DCAF7: variants seen among roughly 807,000 people sequenced by gnomAD.
DCAF7 encodes DDB1- and CUL4-associated factor 7.
DCAF7 carries 4 observed loss-of-function variants against 41.2 expected under a neutral mutation model. The observed-to-expected ratio is 0.10, with a 90% confidence interval of 0.05 to 0.22. The LOEUF (loss-of-function observed/expected upper bound fraction) is 0.22, where lower values mean the gene tolerates loss of function less well. DCAF7 is among the 10% of genes least tolerant of loss of function. DCAF7 has a pLI of 1.00. For missense variants in DCAF7, 131 were observed against 443.2 expected, an observed-to-expected ratio of 0.30 and a Z score of 6.32; for synonymous variants, 143 against 164.2, an observed-to-expected ratio of 0.87 and a Z score of 0.99.
chr17:63,567,686 G>A (rs1343341678), intron 1 of DCAF7, among the ~76,000 whole-genome samples: 1 of 152,064 alleles, frequency 6.6e-6, no homozygotes, highest in Non-Finnish European at 1.5e-5. Context: ...CTAAGACAAG[G>A]TCTCACTTTG....
At chr17:63,570,431 G>T (rs747056688) in intron 1 of DCAF7, among the ~76,000 whole-genome samples, 1 of 151,842 alleles carries the variant, frequency 6.6e-6, no homozygotes, top group African/African-American at 2.4e-5. Flanking sequence ...TCCAGCCTGG[G>T]CAACAGTGAG....
chr17:63,559,321 G>GTA (rs1428440006), intron 1 of DCAF7, among the ~76,000 whole-genome samples: 12 of 77,502 alleles, frequency 1.5e-4, no homozygotes, highest in East Asian at 5.3e-4. Context: ...ATATATATAT[G>GTA]TATATATATA....
intron 6 of DCAF7, among the ~76,000 whole-genome samples, chr17:63,586,587 A>C (rs1289846036): frequency 6.6e-6 from 1 of 151,984 alleles, no homozygotes. Context: ...AACATGGTGA[A>C]ACCCTGTCTC....
At chr17:63,562,038 A>T (rs2033388178) in intron 1 of DCAF7, among the ~76,000 whole-genome samples, 1 of 151,056 alleles carries the variant, frequency 6.6e-6, no homozygotes, top group Non-Finnish European at 1.5e-5. Context: ...ACTTAGGGGG[A>T]AAAAGAACAT....
chr17:63,578,554 A>T lies in DCAF7; in HGVS notation c.223A>T (p.Met75Leu). Residue 75 changes from methionine to leucine, a missense_variant, in exon 2 of 7, where the codon ATG becomes TTG. Coordinates refer to ENST00000614556, the MANE Select transcript of DCAF7 (RefSeq NM_005828.5). Reference sequence around the variant, plus strand: ...CCACCCATACCCCACCACAAAGCTCATGTGGATCCCTGACACAAAAGGCGT... The same window carrying T: ...CCACCCATACCCCACCACAAAGCTCTTGTGGATCCCTGACACAAAAGGCGT... Reference protein sequence around the residue: ...FDHPYPTTKLMWIPDTKGVYP... With the variant: ...FDHPYPTTKLLWIPDTKGVYP... The T allele has an allele frequency of 6.2e-7, 1 of 1,613,418 alleles. No homozygotes were observed. Among genetic ancestry groups the T allele is most frequent in the Non-Finnish European group, 8.5e-7 (1 of 1,179,324 alleles).
intron 1 of DCAF7, among the ~76,000 whole-genome samples, chr17:63,565,515 A>G (rs7211055): frequency 0.32 from 47,844 of 151,858 alleles, 9,230 homozygotes; most frequent in African/African-American, 0.55. Flanking sequence ...GTGGTGAGCC[A>G]AGATCGCACC....
intron 4 of DCAF7, among the ~76,000 whole-genome samples, chr17:63,580,877 C>G (rs2033615769): frequency 6.6e-6 from 1 of 152,110 alleles, no homozygotes; most frequent in Non-Finnish European, 1.5e-5. Context: ...CCCCATAAGT[C>G]TTTTCCTCCT....
chr17:63,559,459 T>TA (rs2033356921), intron 1 of DCAF7, among the ~76,000 whole-genome samples: 4 of 131,162 alleles, frequency 3.0e-5, no homozygotes, highest in East Asian at 4.3e-4. Context: ...ATATATATAT[T>TA]TTTAATAATT....
chr17:63,589,394 T>A lies in DCAF7; in HGVS notation c.*222T>A. On this transcript the variant is annotated 3_prime_UTR_variant, in exon 7 of 7. Transcript: ENST00000614556. ...GCCTCCTCAGCCCAGGGCTGAGTTT[T>A]AAGATTTTCTCTCCTTTCCTCTTCT... The A allele has an allele frequency of 1.6e-6, 1 of 626,924 alleles. No individual in the cohort carries two copies. Among genetic ancestry groups the A allele is most frequent in the Non-Finnish European group, 2.9e-6 (1 of 348,362 alleles). The allele number at this position is 626,924 out of a possible 1,614,324, so 38.8% of individuals were successfully genotyped here. A position where few individuals can be genotyped will look rare whatever the true frequency, so the allele number is the denominator to read the frequency against.
At chr17:63,559,439 G>GTA (rs10643199) in intron 1 of DCAF7, among the ~76,000 whole-genome samples, 35,818 of 121,854 alleles carry the variant, frequency 0.29, 5,471 homozygotes, top group Middle Eastern at 0.42. Context: ...ATATGTGTGT[G>GTA]TATATATATA....
At chr17:63,580,503 A>G (rs936268339) in intron 4 of DCAF7, among the ~76,000 whole-genome samples, 2 of 65,792 alleles carry the variant, frequency 3.0e-5, no homozygotes, top group Non-Finnish European at 6.0e-5. Context: ...GCTATTTGTG[A>G]TTGCTTTTTT....
At chr17:63,583,370 CTGTT>C (rs1325215281) in intron 4 of DCAF7, 128 bp from the exon 5 acceptor site, 12 of 790,242 alleles carry the variant, frequency 1.5e-5, no homozygotes, top group African/African-American at 6.8e-5. Flanking sequence ...CTCACAGACA[CTGTT>C]TGGGCTTCAT....
chr17:63,559,937 A>G (rs904585838), intron 1 of DCAF7, among the ~76,000 whole-genome samples: 1 of 152,228 alleles, frequency 6.6e-6, no homozygotes, highest in Non-Finnish European at 1.5e-5. Flanking sequence ...AATCTCTGTA[A>G]CAAAACCAAA....
intron 1 of DCAF7, among the ~76,000 whole-genome samples, chr17:63,551,970 C>T (rs960714230): frequency 7.3e-6 from 1 of 137,020 alleles, no homozygotes; most frequent in Non-Finnish European, 1.5e-5. Context: ...CCCAGCTACT[C>T]GGAAGTCTGA....
rs528574532 is a variant in DCAF7, at chr17:63,564,797, C to T, written c.139-13673C>T. 2.2e-4 allele frequency among the ~76,000 whole-genome samples: 33 copies of T among 152,234 alleles called. 1 individual carries two copies. The highest frequency in any genetic ancestry group is 1.9e-4 in the East Asian group (1 of 5,202). On this transcript the variant is annotated intron_variant, in intron 1 of 6. Coordinates refer to ENST00000614556, the MANE Select transcript of DCAF7 (RefSeq NM_005828.5). The stretch of plus-strand genomic sequence containing the variant: ...ATCACTTCAGCAATTCTTCCCCCAC[C>T]GGAGGAGCTAGTGAGTGGTGGGGAC...
chr17:63,582,177 G>A (rs961441945), intron 4 of DCAF7, among the ~76,000 whole-genome samples: 5 of 152,208 alleles, frequency 3.3e-5, no homozygotes, highest in South Asian at 4.1e-4. Context: ...TGACTGGCCC[G>A]GTCCCTTTTG....
chr17:63,554,717 C>T lies in DCAF7; in HGVS notation c.138+3902C>T, dbSNP rs140777678. Among the ~76,000 whole-genome samples the T allele has an allele frequency of 1.4e-3, 219 of 152,274 alleles. 1 individual carries two copies. Among genetic ancestry groups the T allele is most frequent in the African/African-American group, 5.0e-3 (206 of 41,542 alleles). ...TTAATATATGTAATGGACTTAGGAA[C>T]GCCACCCGGTGTGGAATAAGCCATA... On this transcript the variant is annotated intron_variant, in intron 1 of 6. Transcript: ENST00000614556.
At chr17:63,588,949 A>G (rs906261924) in intron 6 of DCAF7, 51 bp from the exon 7 acceptor site, 67 of 1,552,834 alleles carry the variant, frequency 4.3e-5, no homozygotes, top group Non-Finnish European at 5.3e-5. Context: ...AGGGATCATC[A>G]TCCGCATTGC....
At chr17:63,576,652 G>A (rs2033565734) in intron 1 of DCAF7, among the ~76,000 whole-genome samples, 1 of 152,166 alleles carries the variant, frequency 6.6e-6, no homozygotes. Context: ...CGGTGCTTAC[G>A]CCTGTAATCC....
Sources: allele counts gnomAD v4.1 joint callset (sites outside exome capture counted in the v4.1 genomes callset), GRCh38; gene constraint gnomAD v4.1.1; transcripts MANE v1.5; gene names NCBI Gene and HGNC (gene_info 2026-07-23, HGNC 2026-07-21).